BEST3: variants seen among roughly 807,000 people sequenced by gnomAD.
BEST3 encodes bestrophin 3, also known as bestrophin-3.
In BEST3, 50 loss-of-function variants were observed where a neutral mutation model predicts 47.1. That is an observed-to-expected ratio of 1.06 (90% CI 0.85 to 1.34). The LOEUF (loss-of-function observed/expected upper bound fraction) is 1.34. Ranked by LOEUF, BEST3 falls within the 40% of genes most tolerant of loss-of-function variation. BEST3 has a pLI of 0.00. For synonymous variants in BEST3, 282 were observed against 298.8 expected, an observed-to-expected ratio of 0.94 and a Z score of 0.58; for missense variants, 765 against 817.0, an observed-to-expected ratio of 0.94 and a Z score of 0.78.
chr12:69,691,030 A>C (rs1885904559), intron 4 of BEST3, among the ~76,000 whole-genome samples: 1 of 152,070 alleles, frequency 6.6e-6, no homozygotes, highest in East Asian at 1.9e-4. Flanking sequence ...TAACAACATC[A>C]TCTACACCCT....
chr12:69,694,115 T>A, intron 3 of BEST3: 1 of 575,040 alleles, frequency 1.7e-6, no homozygotes, highest in Non-Finnish European at 3.1e-6. Context: ...AGATCTCAAA[T>A]ATTGACTGCA....
rs146737726 is a variant in BEST3, at chr12:69,661,879, A to C, written c.1101-6066T>G. On this transcript the variant is annotated intron_variant, in intron 9 of 9. Transcript: ENST00000330891. The stretch of plus-strand genomic sequence containing the variant: ...GGGCTTTGGCAAATCTGGTTGAAGA[A>C]GTGGCCTCTTGTGCCTTTAAAGAGG... Among the ~76,000 whole-genome samples, 74 of 152,312 alleles carry C rather than the reference A, an allele frequency of 4.9e-4. 1 individual carries two copies. The East Asian group carries it at 0.013, about 27-fold the overall frequency.
chr12:69,652,244 T>A (rs1385718548), downstream of BEST3, among the ~76,000 whole-genome samples: 1 of 152,044 alleles, frequency 6.6e-6, no homozygotes, highest in African/African-American at 2.4e-5. Flanking sequence ...TGTGAGAGAG[T>A]TGAGCCTGTT....
At chr12:69,674,871 C>G (rs1884802636) in intron 7 of BEST3, among the ~76,000 whole-genome samples, 1 of 148,748 alleles carries the variant, frequency 6.7e-6, no homozygotes, top group South Asian at 2.1e-4. Flanking sequence ...AATGGAGGCA[C>G]AACCCATGGT....
intron 9 of BEST3, among the ~76,000 whole-genome samples, chr12:69,657,695 C>G (rs1034376894): frequency 6.6e-6 from 1 of 152,106 alleles, no homozygotes; most frequent in Non-Finnish European, 1.5e-5. Flanking sequence ...TGAAGGAGAA[C>G]ATTGGGACAG....
At chr12:69,665,112 A>T (rs1320434564) in intron 9 of BEST3, among the ~76,000 whole-genome samples, 40 of 112,710 alleles carry the variant, frequency 3.5e-4, no homozygotes, top group South Asian at 2.0e-3. Context: ...AAATTCAGTA[A>T]AAGGGATGCC....
chr12:69,679,177 A>G (rs1186770280), intron 4 of BEST3, among the ~76,000 whole-genome samples: 1 of 152,224 alleles, frequency 6.6e-6, no homozygotes, highest in African/African-American at 2.4e-5. Context: ...GTGAACTAGA[A>G]CATTTGGGGA....
chr12:69,672,954 C>G lies in BEST3; in HGVS notation c.879G>C (p.Gln293His). ...FYAGWLKVAE[Q>H]LINPFGEDDD... ...CATCTTCTCCAAAAGGGTTGATAAGCTGCTCTGCTACCTGTAGTTGAGAAC... is the reference window on the plus strand; with the variant it reads ...CATCTTCTCCAAAAGGGTTGATAAGGTGCTCTGCTACCTGTAGTTGAGAAC... Residue 293 changes from glutamine to histidine, a missense_variant, in exon 8 of 10, where the codon CAG becomes CAC. Coordinates refer to ENST00000330891, the MANE Select transcript of BEST3 (RefSeq NM_032735.3). 2 of 1,612,674 alleles carry G rather than the reference C, an allele frequency of 1.2e-6. No homozygotes were observed. The highest frequency in any genetic ancestry group is 1.7e-6 in the Non-Finnish European group (2 of 1,179,100).
intron 9 of BEST3, among the ~76,000 whole-genome samples, chr12:69,665,073 A>C (rs1001804669): frequency 6.7e-6 from 1 of 149,616 alleles, no homozygotes; most frequent in Non-Finnish European, 1.5e-5. Context: ...GGCTCTGTCC[A>C]AACAAGGCCA....
chr12:69,676,978 A>G lies in BEST3; in HGVS notation c.805T>C (p.Leu269=), dbSNP rs779109477. 3 of 1,614,142 alleles carry G rather than the reference A, an allele frequency of 1.9e-6. No homozygotes were observed. The South Asian group carries it at 3.3e-5, about 18-fold the overall frequency. ...DPTKGYAGHD[L]DLYIPIFTLL... is the part of the protein sequence containing the mutation. ...GTGAAGATGGGAATGTAAAGATCCA[A>G]GTCATGCCCTGCGTAGCCTTTGGTG... Residue 269 remains leucine (L), a synonymous_variant, in exon 7 of 10, where the codon TTG becomes CTG. Transcript: ENST00000330891.
At chr12:69,689,799 G>A (rs1009166864) in intron 4 of BEST3, among the ~76,000 whole-genome samples, 4 of 152,156 alleles carry the variant, frequency 2.6e-5, no homozygotes, top group African/African-American at 9.7e-5. Flanking sequence ...CCCTTATACA[G>A]TAGCCTCCCA....
In BEST3 at chr12:69,690,372, G is replaced by C. The variant is rs116430443; in HGVS notation, c.481+3302C>G. On this transcript the variant is annotated intron_variant, in intron 4 of 9. Coordinates refer to ENST00000330891, the MANE Select transcript of BEST3 (RefSeq NM_032735.3). ...TCTGTACAATTTTGAGAGGGAGTGG[G>C]CCTTTGTATTCTGAAAAATACACTC... 8.2e-3 allele frequency among the ~76,000 whole-genome samples: 1,249 copies of C among 152,284 alleles called. 18 individuals are homozygous for C. Among genetic ancestry groups the C allele is most frequent in the African/African-American group, 0.028 (1,183 of 41,544 alleles).
At chr12:69,685,554 G>A (rs73330023) in intron 4 of BEST3, among the ~76,000 whole-genome samples, 191 of 152,246 alleles carry the variant, frequency 1.3e-3, no homozygotes, top group African/African-American at 4.3e-3. Context: ...GGAGTCAGGC[G>A]TCAGAATTTT....
rs752565721 is a variant in BEST3 at position 69,677,174 on chromosome 12, TCTTAC to T, written c.714+1_714+5del. ...AATAAAGAATTCCATGAAAAGTATTTCTTACCTGGGTGTAAACCAGCGGAATCCCA... is the reference window on the plus strand; with the variant it reads ...AATAAAGAATTCCATGAAAAGTATTTCTGGGTGTAAACCAGCGGAATCCCA... On this transcript the variant is annotated splice_donor_variant and splice_donor_5th_base_variant and intron_variant, in intron 6 of 9. Transcript: ENST00000330891. LOFTEE classifies it high-confidence loss of function. 1 of 1,613,840 alleles carries T rather than the reference TCTTAC, an allele frequency of 6.2e-7. No homozygotes were observed. The highest frequency in any genetic ancestry group is 1.1e-5 in the South Asian group (1 of 91,046).
rs374461067 is a variant in BEST3 at position 69,677,013 on chromosome 12, A to G, written c.770T>C (p.Phe257Ser). 6.2e-7 allele frequency: 1 copy of G among 1,614,062 alleles called. No individual in the cohort carries two copies. Among genetic ancestry groups the G allele is most frequent in the Non-Finnish European group, 8.5e-7 (1 of 1,180,030 alleles). Residue 257 changes from phenylalanine to serine, a missense_variant, in exon 7 of 10, where the codon TTT (phenylalanine) becomes TCT (serine). Phe to Ser is a radical substitution (Grantham distance 155). Coordinates refer to ENST00000330891, the MANE Select transcript of BEST3 (RefSeq NM_032735.3). ...TGCGTAGCCTTTGGTGGGATCCAAA[A>G]ACTGGCGTCCAATCAGGCACGCAAA... ...FFFACLIGRQ[F>S]LDPTKGYAGH...
downstream of BEST3, among the ~76,000 whole-genome samples, chr12:69,649,875 C>T (rs1395867392): frequency 1.3e-5 from 2 of 152,184 alleles, no homozygotes; most frequent in South Asian, 2.1e-4. Flanking sequence ...ATTTTAGAAA[C>T]GTTCTTATTT....
At position 69,695,583 on chromosome 12, in the gene BEST3, G is replaced by A. The variant is rs558369485; in HGVS notation, c.153-1119C>T. Among the ~76,000 whole-genome samples, 20 of 152,278 alleles carry A rather than the reference G, an allele frequency of 1.3e-4. No homozygotes were observed. The South Asian group carries it at 4.1e-3, about 32-fold the overall frequency. On this transcript the variant is annotated intron_variant, in intron 2 of 9. Coordinates refer to ENST00000330891, the MANE Select transcript of BEST3 (RefSeq NM_032735.3). ...CAGGGTTATGCTGATGACAATTACA[G>A]CCAGAATGGTTTCTGATGTTCAAAT...
intron 7 of BEST3, among the ~76,000 whole-genome samples, chr12:69,675,697 T>C (rs796102020): frequency 1.3e-5 from 2 of 152,390 alleles, no homozygotes; most frequent in African/African-American, 2.4e-5. Flanking sequence ...CTTACGCAGG[T>C]AGAAATAATT....
At chr12:69,665,155 C>T (rs1593148115) in intron 9 of BEST3, among the ~76,000 whole-genome samples, 1 of 120,232 alleles carries the variant, frequency 8.3e-6, no homozygotes. Flanking sequence ...ACAGCGAACA[C>T]CAGAGGGAGT....
Sources: allele counts gnomAD v4.1 joint callset (sites outside exome capture counted in the v4.1 genomes callset), GRCh38; gene constraint gnomAD v4.1.1; transcripts MANE v1.5; gene names NCBI Gene and HGNC (gene_info 2026-07-23, HGNC 2026-07-21).